The following SCHIP1 variants were observed in gnomAD, a reference collection of about 807,000 sequenced individuals.
The protein encoded by SCHIP1 is schwannomin interacting protein 1, also known as schwannomin-interacting protein 1.
A neutral mutation model predicts 29.7 loss-of-function variants in SCHIP1; 8 were observed. That is an observed-to-expected ratio of 0.27 (90% CI 0.16 to 0.49). SCHIP1 has a LOEUF of 0.49. SCHIP1 is among the 20% of genes least tolerant of loss of function. SCHIP1 has a pLI of 0.99. For missense variants in SCHIP1, 193 were observed against 294.6 expected (o/e 0.66, Z 2.52); for synonymous variants, 76 against 94.9 (o/e 0.80, Z 1.16).
the SCHIP1 span, among the ~76,000 whole-genome samples, chr3:159,614,728 T>C: frequency 7.9e-5 from 12 of 152,338 alleles, 1 homozygote; most frequent in South Asian, 2.5e-3. Context: ...GAAGCTTAAA[T>C]TTAAAATAAC....
the SCHIP1 span, among the ~76,000 whole-genome samples, chr3:159,302,934 T>C: frequency 4.6e-5 from 7 of 152,296 alleles, no homozygotes; most frequent in African/African-American, 1.7e-4. Context: ...GGAACACAAG[T>C]TGAACACCCT....
At chr3:159,428,590 T>C in the SCHIP1 span, among the ~76,000 whole-genome samples, 1 of 151,574 alleles carries the variant, frequency 6.6e-6, no homozygotes, top group South Asian at 2.1e-4. Context: ...ACTTTTACAC[T>C]GTTGGTGGGA....
chr3:159,478,832 A>G, the SCHIP1 span, among the ~76,000 whole-genome samples: 1 of 152,000 alleles, frequency 6.6e-6, no homozygotes, highest in South Asian at 2.1e-4. Flanking sequence ...TGTAAATGGG[A>G]TGGTGTTCTT....
At chr3:159,641,761 A>G in the SCHIP1 span, among the ~76,000 whole-genome samples, 23 of 152,206 alleles carry the variant, frequency 1.5e-4, no homozygotes, top group Non-Finnish European at 1.6e-4. Flanking sequence ...CACAGTGGAT[A>G]ACTTACCAAG....
At chr3:159,827,828 A>G in the SCHIP1 span, among the ~76,000 whole-genome samples, 1 of 151,122 alleles carries the variant, frequency 6.6e-6, no homozygotes, top group Non-Finnish European at 1.5e-5. Flanking sequence ...AAAAAAAAAG[A>G]AAATAGAAAC....
At chr3:159,510,885 G>A in the SCHIP1 span, among the ~76,000 whole-genome samples, 1 of 152,210 alleles carries the variant, frequency 6.6e-6, no homozygotes, top group Non-Finnish European at 1.5e-5. Context: ...CCTACTTGGG[G>A]GTGCCTCCCA....
At chr3:159,656,298 T>C in the SCHIP1 span, among the ~76,000 whole-genome samples, 1 of 152,138 alleles carries the variant, frequency 6.6e-6, no homozygotes, top group Non-Finnish European at 1.5e-5. Context: ...GAATCCAAGT[T>C]CAATAAAGGT....
At chr3:159,602,259 C>T in the SCHIP1 span, among the ~76,000 whole-genome samples, 4 of 152,164 alleles carry the variant, frequency 2.6e-5, no homozygotes, top group African/African-American at 7.2e-5. Context: ...GTGTTTCCCA[C>T]GAGTTTTTTG....
chr3:159,813,171 T>A, the SCHIP1 span, among the ~76,000 whole-genome samples: 1 of 152,212 alleles, frequency 6.6e-6, no homozygotes, highest in Non-Finnish European at 1.5e-5. Context: ...ATTCAAACCA[T>A]AGCAGCTATC....
chr3:159,324,484 T>G, the SCHIP1 span, among the ~76,000 whole-genome samples: 1 of 152,144 alleles, frequency 6.6e-6, no homozygotes, highest in Non-Finnish European at 1.5e-5. Context: ...TGTTTTTTCA[T>G]GTGTTAAATA....
At chr3:159,435,747 C>T in the SCHIP1 span, among the ~76,000 whole-genome samples, 1 of 152,138 alleles carries the variant, frequency 6.6e-6, no homozygotes, top group African/African-American at 2.4e-5. Flanking sequence ...GGAAATGCCA[C>T]CCTCTGCATG....
At chr3:159,434,926 T>A in the SCHIP1 span, among the ~76,000 whole-genome samples, 1 of 152,026 alleles carries the variant, frequency 6.6e-6, no homozygotes, top group Non-Finnish European at 1.5e-5. Context: ...TGTAAAATGA[T>A]GAGATAGAAT....
chr3:159,863,165 C>A (rs1306651720), intron 1 of SCHIP1, among the ~76,000 whole-genome samples: 1 of 152,138 alleles, frequency 6.6e-6, no homozygotes, highest in African/African-American at 2.4e-5. Context: ...CATGGTGAAA[C>A]CCTGTCTCTA....
chr3:159,399,390 G>A, the SCHIP1 span, among the ~76,000 whole-genome samples: 3 of 152,116 alleles, frequency 2.0e-5, no homozygotes, highest in African/African-American at 7.2e-5. Flanking sequence ...TCCCACTGCA[G>A]GAAAGGAAGG....
At chr3:159,555,240 G>C in the SCHIP1 span, among the ~76,000 whole-genome samples, 4 of 152,118 alleles carry the variant, frequency 2.6e-5, no homozygotes, top group Admixed American at 2.0e-4. Context: ...CTCTGGCCCT[G>C]GTTGTGGTAG....
chr3:159,550,915 C>G, the SCHIP1 span, among the ~76,000 whole-genome samples: 2 of 152,216 alleles, frequency 1.3e-5, no homozygotes, highest in East Asian at 3.9e-4. Context: ...TTTATTGTAA[C>G]TAATTATTGT....
chr3:159,650,656 T>A, the SCHIP1 span, among the ~76,000 whole-genome samples: 1 of 152,190 alleles, frequency 6.6e-6, no homozygotes, highest in Non-Finnish European at 1.5e-5. Context: ...AGCTGTTTAT[T>A]GCATTGTTGT....
upstream of SCHIP1, among the ~76,000 whole-genome samples, chr3:159,836,146 T>C (rs1188313059): frequency 6.6e-6 from 1 of 152,206 alleles, no homozygotes; most frequent in East Asian, 1.9e-4. Flanking sequence ...TTCGTCTTAG[T>C]CTGTTAGGGC....
the SCHIP1 span, among the ~76,000 whole-genome samples, chr3:159,427,890 G>T: frequency 3.0e-3 from 448 of 151,484 alleles, 1 homozygote; most frequent in Admixed American, 5.5e-3. Flanking sequence ...AAATAACGCC[G>T]CATATCTACA....
Sources: allele counts gnomAD v4.1 joint callset (sites outside exome capture counted in the v4.1 genomes callset), GRCh38; gene constraint gnomAD v4.1.1; transcripts MANE v1.5; gene names NCBI Gene and HGNC (gene_info 2026-07-23, HGNC 2026-07-21).